The following DYNLRB1 variants were observed in gnomAD, a reference collection of about 807,000 sequenced individuals.
DYNLRB1 encodes dynein light chain roadblock-type 1, also known as ROBL/LC7-like 1.
Under a neutral mutation model 13.5 loss-of-function variants are expected in DYNLRB1, and 6 were observed. That is an observed-to-expected ratio of 0.44 (90% CI 0.24 to 0.88). The LOEUF is 0.88. Ranked by LOEUF, DYNLRB1 falls within the 40% of genes least tolerant of loss-of-function variation. The probability of loss-of-function intolerance (pLI) is 0.21; values close to 1 mark genes in which losing one functional copy is unlikely to be tolerated. For missense variants in DYNLRB1, 93 were observed against 127.2 expected (o/e 0.73, Z 1.29); for synonymous variants, 43 against 45.0 (o/e 0.96, Z 0.18).
intron 2 of DYNLRB1, chr20:34,530,457 G>T: frequency 4.8e-6 from 1 of 208,810 alleles, no homozygotes; most frequent in Non-Finnish European, 8.3e-6. Context: ...TGCCTGGCAT[G>T]AAATGCCTAT....
chr20:34,540,831 C>T lies in DYNLRB1; in HGVS notation c.*207C>T. ...TCCCCAGAGCTCCGGAGCGCCCTCT[C>T]CTCACTTCCAGGTTTTGGAGCAAGA... On this transcript the variant is annotated 3_prime_UTR_variant, in exon 4 of 4. Transcript: ENST00000357156. The T allele has an allele frequency of 3.9e-6, 2 of 513,888 alleles. No individual in the cohort carries two copies. Among genetic ancestry groups the T allele is most frequent in the Non-Finnish European group, 6.8e-6 (2 of 294,458 alleles). 31.8% of individuals were successfully genotyped at this position (513,888 alleles called of 1,614,324 possible).
intron 1 of DYNLRB1, among the ~76,000 whole-genome samples, chr20:34,518,207 A>G (rs1012745577): frequency 1.3e-5 from 2 of 151,522 alleles, no homozygotes; most frequent in South Asian, 2.1e-4. Flanking sequence ...TGGGTCCTCT[A>G]TTCTATTCCA....
chr20:34,538,968 G>A (rs1395434157), intron 3 of DYNLRB1, among the ~76,000 whole-genome samples: 3 of 152,194 alleles, frequency 2.0e-5, no homozygotes, highest in African/African-American at 4.8e-5. Context: ...AGAGTGACTC[G>A]AGGATTCACT....
chr20:34,521,447 T>A (rs1223157108), intron 1 of DYNLRB1, among the ~76,000 whole-genome samples: 1 of 152,240 alleles, frequency 6.6e-6, no homozygotes, highest in East Asian at 1.9e-4. Context: ...ATTTTGTGTT[T>A]TTTTTTTATT....
At chr20:34,515,735 C>T (rs1311081158), upstream of DYNLRB1, among the ~76,000 whole-genome samples, 1 of 152,146 alleles carries the variant, frequency 6.6e-6, no homozygotes, top group Non-Finnish European at 1.5e-5. Context: ...GGGCGCAAAG[C>T]GGGTCTCAGC....
intron 1 of DYNLRB1, among the ~76,000 whole-genome samples, chr20:34,517,293 C>T (rs896880565): frequency 6.6e-6 from 1 of 152,176 alleles, no homozygotes. Flanking sequence ...CTAGAGGCAA[C>T]CACTTACAGT....
chr20:34,521,693 TCC>T (rs1568598038), intron 1 of DYNLRB1, among the ~76,000 whole-genome samples: 6 of 152,286 alleles, frequency 3.9e-5, no homozygotes, highest in Non-Finnish European at 8.8e-5. Flanking sequence ...GAACCTTGTC[TCC>T]ATCATCCCAT....
At chr20:34,533,671 C>T (rs1980888949) in intron 2 of DYNLRB1, 1 of 228,660 alleles carries the variant, frequency 4.4e-6, no homozygotes, top group Admixed American at 6.6e-5. Context: ...ATACAAAAAT[C>T]AGCCAGGTGT....
intron 3 of DYNLRB1, chr20:34,536,587 A>C (rs1212067275): frequency 1.7e-6 from 1 of 602,638 alleles, no homozygotes; most frequent in East Asian, 1.4e-4. Context: ...TCTACTAAAA[A>C]TAAAAAAATT....
rs190756215 is a variant in DYNLRB1 at position 34,534,579 on chromosome 20, G to A, written c.80-49G>A. ...CAATTAGGGGTGTGGGTGGGAGCTC[G>A]GCAGAAGGGGCTCCACATCCTCTCA... On this transcript the variant is annotated intron_variant, in intron 2 of 3. Transcript: ENST00000357156. 8.6e-6 allele frequency: 13 copies of A among 1,517,952 alleles called. No individual in the cohort carries two copies. The African/African-American group carries it at 1.1e-4, about 13-fold the overall frequency. 94.0% of individuals were successfully genotyped at this position (1,517,952 alleles called of 1,614,324 possible). A position where few individuals can be genotyped will look rare whatever the true frequency, so the allele number is the denominator to read the frequency against.
At position 34,534,700 on chromosome 20, in the gene DYNLRB1, T is replaced by G; in HGVS notation, c.152T>G (p.Leu51Arg). ...GCCAGCCTCATGCACAGCTTCATCCTGAAGGCACGGAGCACCGTGCGTGAC... is the reference window on the plus strand; with the variant it reads ...GCCAGCCTCATGCACAGCTTCATCCGGAAGGCACGGAGCACCGTGCGTGAC... ...QYASLMHSFI[L>R]KARSTVRDID... The change falls in exon 3 of 4, where the codon CTG becomes CGG. Residue 51 changes from leucine to arginine, a missense_variant. By Grantham distance (102) the Leu-to-Arg change is moderately radical (BLOSUM62 -2). Coordinates refer to ENST00000357156, the MANE Select transcript of DYNLRB1 (RefSeq NM_014183.4). The G allele has an allele frequency of 6.2e-7, 1 of 1,610,046 alleles. No homozygotes were observed. The highest frequency in any genetic ancestry group is 1.1e-5 in the South Asian group (1 of 90,372).
intron 3 of DYNLRB1, chr20:34,535,549 G>GC: frequency 9.5e-6 from 8 of 839,118 alleles, no homozygotes; most frequent in Non-Finnish European, 1.1e-5. Flanking sequence ...CGGCTCCCTC[G>GC]CTCTCACTCA....
intron 1 of DYNLRB1, among the ~76,000 whole-genome samples, chr20:34,518,313 C>T (rs1979427767): frequency 1.3e-5 from 2 of 151,978 alleles, no homozygotes; most frequent in South Asian, 4.1e-4. Context: ...AAGCTTTGTT[C>T]TTTTCGTCCA....
At chr20:34,526,798 A>G (rs192368805) in intron 2 of DYNLRB1, among the ~76,000 whole-genome samples, 46 of 152,350 alleles carry the variant, frequency 3.0e-4, no homozygotes, top group African/African-American at 9.9e-4. Context: ...TAAACAAATT[A>G]AGTGCCACGA....
intron 1 of DYNLRB1, chr20:34,516,835 T>C (rs1979252588): frequency 6.5e-7 from 1 of 1,547,998 alleles, no homozygotes; most frequent in African/African-American, 1.4e-5. Context: ...CCAAGCACTT[T>C]ATGTATCTTG....
chr20:34,528,340 A>C (rs912481496), intron 2 of DYNLRB1, among the ~76,000 whole-genome samples: 1 of 150,960 alleles, frequency 6.6e-6, no homozygotes, highest in Non-Finnish European at 1.5e-5. Context: ...AAAAAAAAAA[A>C]AAAACTACCC....
chr20:34,527,607 C>T (rs186238597), intron 2 of DYNLRB1, among the ~76,000 whole-genome samples: 112 of 152,292 alleles, frequency 7.4e-4, no homozygotes, highest in African/African-American at 2.5e-3. Context: ...TTAAACATAG[C>T]TTTCCAGGCC....
In DYNLRB1 at chr20:34,516,425, T is replaced by C. The variant is rs575904393; in HGVS notation, c.-34T>C. On this transcript the variant is annotated 5_prime_UTR_variant, in exon 1 of 4. Coordinates refer to ENST00000357156, the MANE Select transcript of DYNLRB1 (RefSeq NM_014183.4). ...GCAGAAAGGCACAGGACTCGCTAAG[T>C]GTTCGCTACGCGGGGCTACCGGATC... is the stretch of plus-strand genomic sequence containing the variant. 3.1e-6 allele frequency: 5 copies of C among 1,612,566 alleles called. No individual in the cohort carries two copies. Among genetic ancestry groups the C allele is most frequent in the East Asian group, 2.2e-5 (1 of 44,748 alleles).
At chr20:34,536,786 C>G (rs992032818) in intron 3 of DYNLRB1, among the ~76,000 whole-genome samples, 1 of 151,960 alleles carries the variant, frequency 6.6e-6, no homozygotes, top group Admixed American at 6.6e-5. Flanking sequence ...GAACAGTCCC[C>G]CTGCTCACCC....
Sources: allele counts gnomAD v4.1 joint callset (sites outside exome capture counted in the v4.1 genomes callset), GRCh38; gene constraint gnomAD v4.1.1; transcripts MANE v1.5; gene names NCBI Gene and HGNC (gene_info 2026-07-23, HGNC 2026-07-21).